Variants in MED12L observed in about 807,000 individuals in gnomAD.
The protein encoded by MED12L is mediator of RNA polymerase II transcription subunit 12-like protein.
Under a neutral mutation model 281.3 loss-of-function variants are expected in MED12L, and 60 were observed. The observed-to-expected ratio is 0.21, with a 90% CI of 0.17 to 0.26. The LOEUF (loss-of-function observed/expected upper bound fraction) is 0.26. MED12L is among the 10% of genes least tolerant of loss of function. MED12L has a pLI of 1.00. For missense variants in MED12L, 2,146 were observed against 2,680.9 expected, an observed-to-expected ratio of 0.80 and a Z score of 4.41; for synonymous variants, 974 against 987.2, an observed-to-expected ratio of 0.99 and a Z score of 0.25.
At chr3:151,112,132 A>G (rs961718685) in intron 2 of MED12L, among the ~76,000 whole-genome samples, 3 of 152,344 alleles carry the variant, frequency 2.0e-5, no homozygotes, top group Admixed American at 2.0e-4. Flanking sequence ...AAACTGTAGC[A>G]AGAGTGTATC....
At chr3:151,246,902 T>A (rs1017494067) in intron 16 of MED12L, among the ~76,000 whole-genome samples, 1 of 151,976 alleles carries the variant, frequency 6.6e-6, no homozygotes, top group African/African-American at 2.4e-5. Context: ...GAATCTACAA[T>A]GAACTGAAAC....
At chr3:151,168,756 AGTG>A (rs1441738457) in intron 11 of MED12L, among the ~76,000 whole-genome samples, 2 of 152,224 alleles carry the variant, frequency 1.3e-5, no homozygotes, top group Non-Finnish European at 2.9e-5. Flanking sequence ...CCCAGGCTAG[AGTG>A]CAGTGGTACT....
Position 151,380,355 on chromosome 3 carries a change from G to A in MED12L, c.4590+131G>A, listed in dbSNP as rs574340804. The stretch of plus-strand genomic sequence containing the variant: ...CTCATGCCTGTAATCCCAGCACTTT[G>A]GGAGGCGGAGGCTGGTGGATCACCT... On this transcript the variant is annotated intron_variant, in intron 32 of 44. Transcript: ENST00000687756. The A allele has an allele frequency of 1.1e-3, 641 of 570,548 alleles. 4 individuals are homozygous for A. The African/African-American group carries it at 0.012, about 11-fold the overall frequency. The allele number at this position is 570,548 out of a possible 1,614,324, so 35.3% of individuals were successfully genotyped here.
At chr3:151,414,532 C>T (rs1717332568) in intron 42 of MED12L, among the ~76,000 whole-genome samples, 1 of 152,156 alleles carries the variant, frequency 6.6e-6, no homozygotes, top group African/African-American at 2.4e-5. Context: ...GCATTTGAAC[C>T]ACAAGCTCCG....
intron 16 of MED12L, among the ~76,000 whole-genome samples, chr3:151,263,764 C>T (rs1032692896): frequency 2.9e-5 from 1 of 34,016 alleles, no homozygotes; most frequent in Non-Finnish European, 5.4e-5. Context: ...TCCCGTACCA[C>T]CCCCCCCACT....
At chr3:151,278,339 C>T (rs1053708780) in intron 16 of MED12L, 1 of 151,690 alleles carries the variant, frequency 6.6e-6, no homozygotes, top group Non-Finnish European at 1.5e-5. Flanking sequence ...TTTGAAATAC[C>T]TCTCATTGTA....
chr3:151,221,812 C>A (rs1350871523), intron 16 of MED12L, among the ~76,000 whole-genome samples: 3 of 152,348 alleles, frequency 2.0e-5, no homozygotes, highest in Middle Eastern at 3.4e-3. Context: ...TTGGAGCCCC[C>A]ACACAGAGTG....
At chr3:151,293,591 ACACACACACACACACACACACACACACGG>A (rs2149684068) in intron 16 of MED12L, among the ~76,000 whole-genome samples, 1 of 81,784 alleles carries the variant, frequency 1.2e-5, no homozygotes, top group East Asian at 3.4e-4. Flanking sequence ...ACACACACAC[ACACACACACACACACACACACACACACGG>A]TCCTAAAATG....
chr3:151,215,936 C>G (rs1728134127), intron 16 of MED12L, among the ~76,000 whole-genome samples: 1 of 152,116 alleles, frequency 6.6e-6, no homozygotes, highest in Non-Finnish European at 1.5e-5. Context: ...GTTTCCATAC[C>G]TTCTTGGCTG....
chr3:151,310,974 C>G (rs899390470), intron 16 of MED12L, among the ~76,000 whole-genome samples: 3 of 152,154 alleles, frequency 2.0e-5, no homozygotes, highest in African/African-American at 7.2e-5. Context: ...GCCACCCTGG[C>G]TGTGAGACAG....
chr3:151,323,939 G>A (rs1162194438), intron 16 of MED12L, among the ~76,000 whole-genome samples: 1 of 152,212 alleles, frequency 6.6e-6, no homozygotes, highest in Non-Finnish European at 1.5e-5. Context: ...GCCCATTCGT[G>A]TTGAGACTTC....
rs1291216456 is a variant in MED12L, at chr3:151,434,589, A to C, written c.*1785A>C. ...ATCAGATTTTTTCCTCTCAAGAAAC[A>C]TACTTAGATAAGCTAATGAAGTTGT... is the stretch of plus-strand genomic sequence containing the variant. On this transcript the variant is annotated 3_prime_UTR_variant, in exon 45 of 45. Transcript: ENST00000687756. 1.3e-5 allele frequency: 2 copies of C among 152,254 alleles called. No individual in the cohort carries two copies. Among genetic ancestry groups the C allele is most frequent in the East Asian group, 3.8e-4 (2 of 5,204 alleles). The allele number at this position is 152,254 out of a possible 1,614,324, so 9.4% of individuals were successfully genotyped here.
At chr3:151,141,318 G>A (rs1304853875) in intron 5 of MED12L, among the ~76,000 whole-genome samples, 1 of 151,776 alleles carries the variant, frequency 6.6e-6, no homozygotes, top group African/African-American at 2.4e-5. Context: ...CACTGGGCCT[G>A]GCCAGTTTTT....
intron 5 of MED12L, 22 bp from the exon 6 acceptor site, chr3:151,156,139 T>C (rs751658321): frequency 2.5e-6 from 4 of 1,570,802 alleles, no homozygotes; most frequent in Admixed American, 1.9e-5. Flanking sequence ...GAAACTCATA[T>C]TTTTCTTTTT....
intron 16 of MED12L, among the ~76,000 whole-genome samples, chr3:151,196,171 G>A (rs1724627837): frequency 6.6e-6 from 1 of 152,172 alleles, no homozygotes; most frequent in Non-Finnish European, 1.5e-5. Flanking sequence ...GTGACCACAT[G>A]TCATAATGAA....
At chr3:151,410,030 C>T (rs1307814462) in intron 40 of MED12L, among the ~76,000 whole-genome samples, 4 of 152,038 alleles carry the variant, frequency 2.6e-5, no homozygotes, top group African/African-American at 7.2e-5. Flanking sequence ...AAGAAAATAA[C>T]GGGGCTTGAA....
chr3:151,193,505 C>T lies in MED12L; in HGVS notation c.2089C>T (p.Pro697Ser), dbSNP rs1358138557. 3 of 1,612,214 alleles carry T rather than the reference C, an allele frequency of 1.9e-6. No individual in the cohort carries two copies. Among genetic ancestry groups the T allele is most frequent in the African/African-American group, 2.7e-5 (2 of 74,944 alleles). The stretch of plus-strand genomic sequence containing the variant: ...CATGACTTAGATTTTTTCTCCTATG[C>T]CTGGAGAATCCTGTGAGAATGCCAA... ...GSEFPIFSPM[P>S]GESCENANTS... is the part of the protein sequence containing the mutation. The change falls in exon 16 of 45, where the codon CCT (proline) becomes TCT (serine). Residue 697 changes from proline (P) to serine (S), a missense_variant. Pro to Ser is a moderately conservative substitution (Grantham distance 74). Around this residue, in one of 9 missense-constraint regions of MED12L, gnomAD observed 722 missense variants for 861.2 expected, o/e 0.84. Transcript: ENST00000687756.
intron 16 of MED12L, among the ~76,000 whole-genome samples, chr3:151,297,465 C>T (rs977079966): frequency 6.6e-6 from 1 of 152,148 alleles, no homozygotes; most frequent in African/African-American, 2.4e-5. Flanking sequence ...AATAAAGGGT[C>T]CAGCTGAGGG....
At chr3:151,174,921 C>G (rs1307341736) in intron 11 of MED12L, among the ~76,000 whole-genome samples, 1 of 152,130 alleles carries the variant, frequency 6.6e-6, no homozygotes, top group African/African-American at 2.4e-5. Context: ...TCTTGAACTC[C>G]TGGGCTCAAG....
Sources: allele counts gnomAD v4.1 joint callset (sites outside exome capture counted in the v4.1 genomes callset), GRCh38; gene constraint gnomAD v4.1.1; regional missense constraint gnomAD v4.1.1; transcripts MANE v1.5; gene names NCBI Gene and HGNC (gene_info 2026-07-23, HGNC 2026-07-21).